AFP: variants seen among roughly 807,000 people sequenced by gnomAD.
The protein encoded by AFP is alpha fetoprotein.
A neutral mutation model predicts 78.9 loss-of-function variants in AFP; 64 were observed. The ratio of observed to expected loss-of-function variants is 0.81; its 90% CI spans 0.66 to 1.00. The LOEUF is 1.00. Among genes scored for constraint, AFP ranks in the 50% least tolerant of loss-of-function variants. AFP has a pLI of 0.00. For missense variants in AFP, 689 were observed against 703.8 expected (o/e 0.98, Z 0.24); for synonymous variants, 254 against 243.8 (o/e 1.04, Z -0.39).
At chr4:73,443,074 C>G (rs1216951750) in intron 5 of AFP, among the ~76,000 whole-genome samples, 1 of 152,064 alleles carries the variant, frequency 6.6e-6, no homozygotes, top group African/African-American at 2.4e-5. Context: ...TTTAAAGGTA[C>G]AGTTGTTCAT....
In AFP at chr4:73,449,483, A is replaced by G. The variant is rs1232842409; in HGVS notation, c.1191+16A>G. 1.2e-6 allele frequency: 2 copies of G among 1,613,198 alleles called. No individual in the cohort carries two copies. Among genetic ancestry groups the G allele is most frequent in the Non-Finnish European group, 1.7e-6 (2 of 1,179,430 alleles). ...AGATAAAGGAGTAAGTTGCTCTAGA[A>G]TTTTAGGGGAGTATGAAAAACTGGA... On this transcript the variant is annotated intron_variant, in intron 9 of 14. Transcript: ENST00000395792.
chr4:73,441,531 G>C (rs1022970478), intron 4 of AFP, among the ~76,000 whole-genome samples: 1 of 124,562 alleles, frequency 8.0e-6, no homozygotes, highest in Non-Finnish European at 1.6e-5. Flanking sequence ...TTGCGCCACT[G>C]CACTCCCGCC....
At chr4:73,437,266 T>G in intron 2 of AFP, 55 bp downstream of exon 2, 1 of 1,452,174 alleles carries the variant, frequency 6.9e-7, no homozygotes, top group East Asian at 2.3e-5. Context: ...GATAAGTAAA[T>G]ACTTAAATAA....
chr4:73,440,295 T>TTA (rs1451165126), intron 3 of AFP, among the ~76,000 whole-genome samples: 1 of 152,104 alleles, frequency 6.6e-6, no homozygotes, highest in Non-Finnish European at 1.5e-5. Flanking sequence ...TTATAAAAGT[T>TTA]TATATATCCT....
Position 73,447,574 on chromosome 4 carries a change from A to G in AFP, c.956A>G (p.Asn319Ser). The stretch of plus-strand genomic sequence containing the variant: ...GGTCAATGTATAATTCATGCAGAAA[A>G]TGATGAAAAACCTGAAGGTCTATCT... ...ERGQCIIHAE[N>S]DEKPEGLSPN... Residue 319 changes from asparagine (N) to serine (S), a missense_variant, in exon 8 of 15, where the codon AAT becomes AGT. By Grantham distance (46) the Asn-to-Ser change is conservative. Coordinates refer to ENST00000395792, the MANE Select transcript of AFP (RefSeq NM_001134.3). 2 of 1,612,664 alleles carry G rather than the reference A, an allele frequency of 1.2e-6. No individual in the cohort carries two copies. Among genetic ancestry groups the G allele is most frequent in the Non-Finnish European group, 1.7e-6 (2 of 1,179,682 alleles).
Position 73,452,545 on chromosome 4 carries a change from G to A in AFP, c.1573G>A (p.Ala525Thr), listed in dbSNP as rs1206611154. 6.2e-7 allele frequency: 1 copy of A among 1,614,022 alleles called. No individual in the cohort carries two copies. Among genetic ancestry groups the A allele is most frequent in the Non-Finnish European group, 8.5e-7 (1 of 1,179,974 alleles). Residue 525 changes from alanine to threonine, a missense_variant, in exon 12 of 15, where the codon GCA becomes ACA. Transcript: ENST00000395792. Reference protein sequence around the residue: ...LVVDETYVPPAFSDDKFIFHK... With the variant: ...LVVDETYVPPTFSDDKFIFHK... ...GGTGGATGAAACATATGTCCCTCCTGCATTCTCTGATGACAAGTTCATTTT... is the reference window on the plus strand; with the variant it reads ...GGTGGATGAAACATATGTCCCTCCTACATTCTCTGATGACAAGTTCATTTT...
chr4:73,447,575 T>A lies in AFP; in HGVS notation c.957T>A (p.Asn319Lys). The change falls in exon 8 of 15, where the codon AAT becomes AAA. Residue 319 changes from asparagine to lysine, a missense_variant. Physicochemically the swap from Asn to Lys is moderately conservative, Grantham distance 94. Transcript: ENST00000395792. Reference protein sequence around the residue: ...ERGQCIIHAENDEKPEGLSPN... With the variant: ...ERGQCIIHAEKDEKPEGLSPN... ...GTCAATGTATAATTCATGCAGAAAA[T>A]GATGAAAAACCTGAAGGTCTATCTC... 6.2e-7 allele frequency: 1 copy of A among 1,612,546 alleles called. No individual in the cohort carries two copies. Among genetic ancestry groups the A allele is most frequent in the Non-Finnish European group, 8.5e-7 (1 of 1,179,682 alleles).
At chr4:73,437,061 G>C in intron 1 of AFP, 99 bp from the exon 2 acceptor site, 1 of 921,484 alleles carries the variant, frequency 1.1e-6, no homozygotes, top group Non-Finnish European at 1.8e-6. Flanking sequence ...TTCTGAAACT[G>C]TACAGTTCTA....
chr4:73,445,518 C>T (rs959304389), intron 7 of AFP, among the ~76,000 whole-genome samples: 7 of 152,232 alleles, frequency 4.6e-5, no homozygotes, highest in African/African-American at 1.7e-4. Context: ...CTATGACAGA[C>T]ACTTGTTTTA....
chr4:73,448,807 T>C (rs932354724), intron 8 of AFP, among the ~76,000 whole-genome samples: 14 of 152,196 alleles, frequency 9.2e-5, no homozygotes, highest in African/African-American at 3.4e-4. Flanking sequence ...TGATATCAGC[T>C]GCCTAGAGAG....
At chr4:73,447,731 C>A in intron 8 of AFP, 55 bp downstream of exon 8, 1 of 1,416,338 alleles carries the variant, frequency 7.1e-7, no homozygotes, top group Non-Finnish European at 9.9e-7. Flanking sequence ...ATGTGGCTGA[C>A]AGATTTGCGT....
At chr4:73,446,181 T>C (rs1719818878) in intron 7 of AFP, among the ~76,000 whole-genome samples, 1 of 152,218 alleles carries the variant, frequency 6.6e-6, no homozygotes, top group African/African-American at 2.4e-5. Flanking sequence ...GGAGGCAGCC[T>C]GGCAGGCGAC....
chr4:73,436,401 T>A, intron 1 of AFP, 54 bp downstream of exon 1: 1 of 1,065,308 alleles, frequency 9.4e-7, no homozygotes, highest in Non-Finnish European at 1.4e-6. Context: ...TTTTTTAAAT[T>A]ATAAAATTTG....
intron 4 of AFP, 108 bp from the exon 5 acceptor site, chr4:73,442,188 G>T: frequency 1.8e-6 from 2 of 1,096,978 alleles, no homozygotes; most frequent in Non-Finnish European, 2.7e-6. Flanking sequence ...AATGCATTTT[G>T]TTGTTGTTGT....
At chr4:73,450,534 A>G in intron 10 of AFP, 81 bp from the exon 11 acceptor site, 1 of 1,594,800 alleles carries the variant, frequency 6.3e-7, no homozygotes, top group Non-Finnish European at 8.6e-7. Flanking sequence ...GCATGAGAGT[A>G]GAGAGTCTGT....
intron 3 of AFP, among the ~76,000 whole-genome samples, chr4:73,439,211 C>T (rs1469210809): frequency 6.6e-6 from 1 of 152,038 alleles, no homozygotes; most frequent in Non-Finnish European, 1.5e-5. Context: ...AACATAGAAA[C>T]AAACTTGATA....
intron 7 of AFP, 141 bp downstream of exon 7, chr4:73,445,263 C>T (rs1324152569): frequency 9.9e-7 from 1 of 1,012,064 alleles, no homozygotes; most frequent in Non-Finnish European, 1.5e-6. Flanking sequence ...TTGCAGAATT[C>T]TCGGTAGTAA....
intron 13 of AFP, 27 bp downstream of exon 13, chr4:73,453,924 A>T (rs749941289): frequency 6.2e-7 from 1 of 1,613,064 alleles, no homozygotes; most frequent in South Asian, 1.1e-5. Flanking sequence ...TCATACTCAA[A>T]ATACTTGCTA....
At chr4:73,436,868 G>A (rs931388977) in intron 1 of AFP, among the ~76,000 whole-genome samples, 1 of 151,936 alleles carries the variant, frequency 6.6e-6, no homozygotes, top group South Asian at 2.1e-4. Flanking sequence ...TTAACCATTT[G>A]ACTTTCAGGA....
Sources: gnomAD v4.1 joint callset for allele counts (sites outside exome capture counted in the v4.1 genomes callset) on GRCh38, gnomAD v4.1.1 for gene constraint, MANE v1.5 for transcripts, NCBI Gene and HGNC (gene_info 2026-07-23, HGNC 2026-07-21) for gene names.